The following DYNC1I1 variants were observed in gnomAD, a reference collection of about 807,000 sequenced individuals.
The protein encoded by DYNC1I1 is dynein cytoplasmic 1 intermediate chain 1, also known as cytoplasmic dynein 1 intermediate chain 1.
DYNC1I1 carries 43 observed loss-of-function variants against 86.6 expected under a neutral mutation model. The ratio of observed to expected loss-of-function variants is 0.50; its 90% CI spans 0.39 to 0.64. The LOEUF (loss-of-function observed/expected upper bound fraction) is 0.64. DYNC1I1 is among the 30% of genes least tolerant of loss of function. DYNC1I1 has a pLI of 0.00. For synonymous variants in DYNC1I1, 262 were observed against 283.7 expected (o/e 0.92, Z 0.77); for missense variants, 604 against 788.8 (o/e 0.77, Z 2.81).
intron 14 of DYNC1I1, among the ~76,000 whole-genome samples, chr7:96,043,029 G>T (rs970417355): frequency 2.6e-5 from 4 of 151,826 alleles, no homozygotes; most frequent in Non-Finnish European, 5.9e-5. Flanking sequence ...GCGTGGTGGG[G>T]TCTGCCTATA....
intron 6 of DYNC1I1, among the ~76,000 whole-genome samples, chr7:95,912,941 A>G (rs1283368044): frequency 6.6e-6 from 1 of 152,158 alleles, no homozygotes; most frequent in Non-Finnish European, 1.5e-5. Flanking sequence ...TTACTCCCCC[A>G]TGCTCCCAAA....
intron 4 of DYNC1I1, among the ~76,000 whole-genome samples, chr7:95,823,587 G>A (rs544823237): frequency 5.3e-5 from 8 of 151,958 alleles, no homozygotes; most frequent in African/African-American, 1.7e-4. Flanking sequence ...CAAGTTCCAT[G>A]TCCCTCAGCA....
intron 16 of DYNC1I1, among the ~76,000 whole-genome samples, chr7:96,086,213 A>G (rs550868754): frequency 6.6e-6 from 1 of 152,250 alleles, no homozygotes; most frequent in Middle Eastern, 3.4e-3. Flanking sequence ...TCCCCTAACA[A>G]CTATGTTTGC....
chr7:95,979,594 A>G (rs1793399864), intron 7 of DYNC1I1, among the ~76,000 whole-genome samples: 1 of 152,200 alleles, frequency 6.6e-6, no homozygotes, highest in South Asian at 2.1e-4. Flanking sequence ...GCTAGCTAGT[A>G]CATTTAAAAA....
intron 10 of DYNC1I1, among the ~76,000 whole-genome samples, chr7:95,998,763 T>G (rs994461615): frequency 1.3e-5 from 2 of 152,210 alleles, no homozygotes; most frequent in Admixed American, 6.5e-5. Flanking sequence ...TGCTGATTCT[T>G]CATATTTTTT....
At chr7:96,032,313 T>C (rs1197237847) in intron 11 of DYNC1I1, among the ~76,000 whole-genome samples, 2 of 152,190 alleles carry the variant, frequency 1.3e-5, no homozygotes, top group Admixed American at 1.3e-4. Flanking sequence ...TCACTCTTGT[T>C]GAGCTTAGAA....
intron 5 of DYNC1I1, among the ~76,000 whole-genome samples, chr7:95,862,878 CT>C (rs1789923781): frequency 6.6e-6 from 1 of 152,146 alleles, no homozygotes; most frequent in Admixed American, 6.5e-5. Context: ...GTACATCCTC[CT>C]GTATAAATTA....
At chr7:96,044,074 T>A (rs879658061) in intron 14 of DYNC1I1, among the ~76,000 whole-genome samples, 10 of 152,160 alleles carry the variant, frequency 6.6e-5, no homozygotes, top group Non-Finnish European at 1.0e-4. Flanking sequence ...ACAGAACAAA[T>A]TATATGATAT....
chr7:96,082,308 CTTTCT>C (rs1271453738), intron 16 of DYNC1I1, among the ~76,000 whole-genome samples: 2 of 151,190 alleles, frequency 1.3e-5, no homozygotes, highest in African/African-American at 2.4e-5. Flanking sequence ...TTTTCTCTCT[CTTTCT>C]TTTCTTCCTT....
At chr7:95,773,314 G>A (rs968209877) in intron 1 of DYNC1I1, among the ~76,000 whole-genome samples, 1 of 152,242 alleles carries the variant, frequency 6.6e-6, no homozygotes, top group African/African-American at 2.4e-5. Context: ...TTCAAAGCGA[G>A]AAGATGCCAG....
rs531733170 is a variant in DYNC1I1 at position 95,981,232 on chromosome 7, C to G, written c.581-3583C>G. Among the ~76,000 whole-genome samples the G allele has an allele frequency of 1.4e-4, 21 of 151,180 alleles. 1 individual carries two copies. Among genetic ancestry groups the G allele is most frequent in the Non-Finnish European group, 2.5e-4 (17 of 67,824 alleles). ...GAAAAAAATCACAAGAAGGCAGAACCCAAAAGATATAGTTTAAAGTAGTAT... is the reference window on the plus strand; with the variant it reads ...GAAAAAAATCACAAGAAGGCAGAACGCAAAAGATATAGTTTAAAGTAGTAT... On this transcript the variant is annotated intron_variant, in intron 7 of 16. Coordinates refer to ENST00000447467, the MANE Select transcript of DYNC1I1 (RefSeq NM_001135556.2).
chr7:96,098,744 A>T (rs537950048), downstream of DYNC1I1, among the ~76,000 whole-genome samples: 1 of 152,340 alleles, frequency 6.6e-6, no homozygotes, highest in South Asian at 2.1e-4. Context: ...AACAATTTAC[A>T]CCAGAAATGA....
chr7:95,955,532 C>T (rs986982276), intron 6 of DYNC1I1, among the ~76,000 whole-genome samples: 2 of 151,510 alleles, frequency 1.3e-5, no homozygotes, highest in African/African-American at 2.4e-5. Context: ...GCTGTGTTGC[C>T]CAGGCTGGTT....
chr7:95,942,427 G>A (rs529526195), intron 6 of DYNC1I1, among the ~76,000 whole-genome samples: 140 of 152,182 alleles, frequency 9.2e-4, no homozygotes, highest in Non-Finnish European at 4.9e-4. Context: ...ATTCACAGCC[G>A]AATTCTACCA....
intron 6 of DYNC1I1, among the ~76,000 whole-genome samples, chr7:95,946,717 A>T (rs536395447): frequency 2.1e-3 from 321 of 152,332 alleles, no homozygotes; most frequent in Non-Finnish European, 3.4e-3. Context: ...GCATACCCTG[A>T]GCCAAGTCCT....
intron 14 of DYNC1I1, among the ~76,000 whole-genome samples, chr7:96,070,937 T>G (rs1273807467): frequency 6.6e-6 from 1 of 152,200 alleles, no homozygotes; most frequent in Non-Finnish European, 1.5e-5. Context: ...GCAGGTCTAT[T>G]CATTTTCAGA....
chr7:95,873,864 T>C (rs751357975), intron 6 of DYNC1I1, among the ~76,000 whole-genome samples: 1 of 152,246 alleles, frequency 6.6e-6, no homozygotes, highest in Non-Finnish European at 1.5e-5. Flanking sequence ...TGATCATTGC[T>C]GTCACTTTCA....
At chr7:95,838,105 C>G (rs1201732176) in intron 5 of DYNC1I1, among the ~76,000 whole-genome samples, 1 of 152,136 alleles carries the variant, frequency 6.6e-6, no homozygotes, top group Non-Finnish European at 1.5e-5. Flanking sequence ...AAAATCATTG[C>G]CAAGGCCAAT....
chr7:96,091,870 A>G (rs1790858802), intron 16 of DYNC1I1, among the ~76,000 whole-genome samples: 1 of 152,198 alleles, frequency 6.6e-6, no homozygotes, highest in Non-Finnish European at 1.5e-5. Flanking sequence ...GAAGAATCCC[A>G]CTGTGGAAAG....
Sources: gnomAD v4.1 joint callset for allele counts (sites outside exome capture counted in the v4.1 genomes callset) on GRCh38, gnomAD v4.1.1 for gene constraint, MANE v1.5 for transcripts, NCBI Gene and HGNC (gene_info 2026-07-23, HGNC 2026-07-21) for gene names.